PCDHA2: variants seen among roughly 807,000 people sequenced by gnomAD.
PCDHA2 encodes protocadherin alpha 2, also known as protocadherin alpha-2.
Under a neutral mutation model 66.0 loss-of-function variants are expected in PCDHA2, and 58 were observed. That is an observed-to-expected ratio of 0.88 (90% confidence interval 0.71 to 1.09). The LOEUF (loss-of-function observed/expected upper bound fraction) is 1.09, where lower values mean the gene tolerates loss of function less well. PCDHA2 is among the 50% of genes least tolerant of loss of function. The pLI is 0.00. For synonymous variants in PCDHA2, 634 were observed against 554.0 expected, an observed-to-expected ratio of 1.14 and a Z score of -2.03; for missense variants, 1,267 against 1,242.3, an observed-to-expected ratio of 1.02 and a Z score of -0.30.
chr5:140,955,696 A>G (rs373393526), intron 1 of PCDHA2, among the ~76,000 whole-genome samples: 6 of 152,184 alleles, frequency 3.9e-5, no homozygotes, highest in East Asian at 1.9e-4. Flanking sequence ...GATGAATGTC[A>G]ATGGAAGTTT....
intron 1 of PCDHA2, among the ~76,000 whole-genome samples, chr5:140,973,515 T>G (rs1008643152): frequency 1.4e-4 from 21 of 152,232 alleles, no homozygotes; most frequent in African/African-American, 4.8e-4. Flanking sequence ...AAAAGTTTAT[T>G]TTCTTTGGTC....
chr5:140,861,521 G>T, intron 1 of PCDHA2: 1 of 460,572 alleles, frequency 2.2e-6, no homozygotes, highest in Non-Finnish European at 4.5e-6. Flanking sequence ...TGTGTGGGAG[G>T]ATCTCGGAGT....
intron 1 of PCDHA2, among the ~76,000 whole-genome samples, chr5:140,922,046 A>C (rs1388720677): frequency 6.6e-6 from 1 of 152,150 alleles, no homozygotes; most frequent in Non-Finnish European, 1.5e-5. Flanking sequence ...TTTCCCACAT[A>C]CCTTCAAAAT....
intron 1 of PCDHA2, among the ~76,000 whole-genome samples, chr5:140,878,502 G>A (rs782817563): frequency 2.0e-5 from 3 of 152,028 alleles, no homozygotes; most frequent in Admixed American, 6.5e-5. Flanking sequence ...CCATCTGTAC[G>A]ATACAGTACA....
chr5:140,999,885 G>A (rs1250861955), intron 3 of PCDHA2, among the ~76,000 whole-genome samples: 1 of 152,200 alleles, frequency 6.6e-6, no homozygotes, highest in Non-Finnish European at 1.5e-5. Context: ...TAGCCCAGCT[G>A]TAGCTTGGGA....
chr5:140,835,478 A>C (rs2150236474), intron 1 of PCDHA2: 1 of 1,613,896 alleles, frequency 6.2e-7, no homozygotes, highest in South Asian at 1.1e-5. Context: ...ACGCCCAACC[A>C]GGTACCGTCA....
intron 3 of PCDHA2, among the ~76,000 whole-genome samples, chr5:140,992,478 A>T (rs2097514142): frequency 6.6e-6 from 1 of 152,210 alleles, no homozygotes; most frequent in African/African-American, 2.4e-5. Flanking sequence ...TAGATCACCC[A>T]GAGGCCAATC....
chr5:140,988,827 G>A (rs1554250450), intron 3 of PCDHA2: 1 of 152,132 alleles, frequency 6.6e-6, no homozygotes, highest in African/African-American at 2.4e-5. Flanking sequence ...CCCAAACAGA[G>A]ATCACGTGTC....
At chr5:140,908,179 C>T (rs1158845408) in intron 1 of PCDHA2, among the ~76,000 whole-genome samples, 1 of 152,194 alleles carries the variant, frequency 6.6e-6, no homozygotes, top group Non-Finnish European at 1.5e-5. Context: ...CAGCTGTCCA[C>T]TTTCAGGTGG....
At chr5:140,902,071 T>G (rs1288333473) in intron 1 of PCDHA2, among the ~76,000 whole-genome samples, 1 of 152,186 alleles carries the variant, frequency 6.6e-6, no homozygotes, top group African/African-American at 2.4e-5. Flanking sequence ...TTTACTGAAT[T>G]TATTGTTTTA....
intron 1 of PCDHA2, among the ~76,000 whole-genome samples, chr5:140,901,318 T>A (rs1337437902): frequency 6.6e-6 from 1 of 152,202 alleles, no homozygotes; most frequent in African/African-American, 2.4e-5. Flanking sequence ...TTCCCCAATG[T>A]TTTCTTGTAG....
chr5:140,868,981 G>T, intron 1 of PCDHA2: 1 of 1,492,270 alleles, frequency 6.7e-7, no homozygotes, highest in Non-Finnish European at 9.0e-7. Context: ...CATCATACCG[G>T]ATGCCACCGT....
chr5:140,850,702 A>AAG, intron 1 of PCDHA2: 1 of 1,598,166 alleles, frequency 6.3e-7, no homozygotes, highest in Non-Finnish European at 8.6e-7. Flanking sequence ...GCGCCTGGCA[A>AAG]GCCGACGCTG....
intron 3 of PCDHA2, among the ~76,000 whole-genome samples, chr5:141,000,018 A>G (rs2097889437): frequency 6.6e-6 from 1 of 152,038 alleles, no homozygotes; most frequent in East Asian, 1.9e-4. Flanking sequence ...CCCCATTGCT[A>G]AGCCTGACAT....
intron 1 of PCDHA2, chr5:140,802,288 C>T: frequency 6.2e-7 from 1 of 1,614,226 alleles, no homozygotes; most frequent in African/African-American, 1.3e-5. Flanking sequence ...GAAGACTCTC[C>T]ACTTAGCACA....
intron 1 of PCDHA2, among the ~76,000 whole-genome samples, chr5:140,889,945 C>A (rs2153428950): frequency 6.6e-6 from 1 of 152,212 alleles, no homozygotes; most frequent in Non-Finnish European, 1.5e-5. Flanking sequence ...TTGTGAGAAG[C>A]CAAATGGATA....
At chr5:140,967,321 C>T (rs985147302) in intron 1 of PCDHA2, 12 of 1,609,430 alleles carry the variant, frequency 7.5e-6, no homozygotes, top group Non-Finnish European at 1.0e-5. Context: ...TACAGACCTA[C>T]GAGCTCAGCC....
At chr5:140,824,411 A>C (rs1768110610) in intron 1 of PCDHA2, 1 of 522,138 alleles carries the variant, frequency 1.9e-6, no homozygotes, top group East Asian at 3.2e-5. Context: ...TGTAAGACAT[A>C]GTTTGGAGTC....
chr5:140,877,544 C>T (rs782624202), intron 1 of PCDHA2: 2 of 1,613,794 alleles, frequency 1.2e-6, no homozygotes, highest in Non-Finnish European at 1.7e-6. Context: ...GATCCCGAAG[C>T]GGCTCTGGTG....
Sources: gnomAD v4.1 joint callset for allele counts (sites outside exome capture counted in the v4.1 genomes callset) on GRCh38, gnomAD v4.1.1 for gene constraint, MANE v1.5 for transcripts, NCBI Gene and HGNC (gene_info 2026-07-23, HGNC 2026-07-21) for gene names.